The following TRIP13 variants were observed in gnomAD, a reference collection of about 807,000 sequenced individuals.
TRIP13 encodes thyroid hormone receptor interactor 13, also known as pachytene checkpoint protein 2 homolog.
In TRIP13, 25 loss-of-function variants were observed where a neutral mutation model predicts 54.4. That is an observed-to-expected ratio of 0.46 (90% CI 0.33 to 0.64). The LOEUF (loss-of-function observed/expected upper bound fraction) is 0.64, where lower values mean the gene tolerates loss of function less well. Ranked by LOEUF, TRIP13 falls within the 30% of genes least tolerant of loss-of-function variation. TRIP13 has a pLI of 0.02. For missense variants in TRIP13, 373 were observed against 534.2 expected (o/e 0.70, Z 2.97); for synonymous variants, 207 against 207.8 (o/e 1.00, Z 0.03).
At position 917,355 on chromosome 5, in the gene TRIP13, T is replaced by A; in HGVS notation, c.*252T>A. 1 of 396,304 alleles carries A rather than the reference T, an allele frequency of 2.5e-6. No individual in the cohort carries two copies. Among genetic ancestry groups the A allele is most frequent in the Non-Finnish European group, 4.5e-6 (1 of 220,760 alleles). The allele number at this position is 396,304 out of a possible 1,614,324, so 24.5% of individuals were successfully genotyped here. Reference sequence around the variant, plus strand: ...TAAAAGATAATTCAGATTGTTTGTCTCCTTGTGAAGAACCATCGAAACCTG... The same window carrying A: ...TAAAAGATAATTCAGATTGTTTGTCACCTTGTGAAGAACCATCGAAACCTG... On this transcript the variant is annotated 3_prime_UTR_variant, in exon 13 of 13. Coordinates refer to ENST00000166345, the MANE Select transcript of TRIP13 (RefSeq NM_004237.4).
chr5:915,273 C>T lies in TRIP13; in HGVS notation c.1134-631C>T, dbSNP rs1754320568. Among the ~76,000 whole-genome samples the T allele has an allele frequency of 6.6e-6, 1 of 152,230 alleles. No homozygotes were observed. Among genetic ancestry groups the T allele is most frequent in the African/African-American group, 2.4e-5 (1 of 41,464 alleles). On this transcript the variant is annotated intron_variant, in intron 11 of 12. Transcript: ENST00000166345. The surrounding 1 kb of genome is among the most constrained non-coding windows in gnomAD (Gnocchi z 4.2). Reference sequence around the variant, plus strand: ...CAAAAATTGAAGATGTGAACCCACCCATTATTTGGGGACTCTGTGCCTACT... The same window carrying T: ...CAAAAATTGAAGATGTGAACCCACCTATTATTTGGGGACTCTGTGCCTACT...
At position 901,527 on chromosome 5, in the gene TRIP13, T is replaced by C; in HGVS notation, c.535+96T>C. On this transcript the variant is annotated intron_variant, in intron 5 of 12. Transcript: ENST00000166345. Reference sequence around the variant, plus strand: ...TTCTGCAAGGAGTTACGGCTCTTTGTTTTCTGAAGGAGCCACAGCTGTCCT... The same window carrying C: ...TTCTGCAAGGAGTTACGGCTCTTTGCTTTCTGAAGGAGCCACAGCTGTCCT... 5 of 1,181,280 alleles carry C rather than the reference T, an allele frequency of 4.2e-6. No homozygotes were observed. In the Admixed American group the frequency reaches 1.1e-4, roughly 26 times the overall value. The allele number at this position is 1,181,280 out of a possible 1,614,324, so 73.2% of individuals were successfully genotyped here. A position where few individuals can be genotyped will look rare whatever the true frequency, so the allele number is the denominator to read the frequency against.
At chr5:914,725 G>A in intron 11 of TRIP13, 148 bp downstream of exon 11, 3 of 612,710 alleles carry the variant, frequency 4.9e-6, no homozygotes. Flanking sequence ...ACACACGTGT[G>A]TGTGTGTGTG....
In TRIP13 at chr5:907,178, T is replaced by C; in HGVS notation, c.657T>C (p.Ser219=). The C allele has an allele frequency of 1.2e-6, 2 of 1,613,938 alleles. No homozygotes were observed. Among genetic ancestry groups the C allele is most frequent in the Non-Finnish European group, 1.7e-6 (2 of 1,179,782 alleles). The change falls in exon 7 of 13, where the codon TCT becomes TCC. Residue 219 remains serine (S), a synonymous_variant. Coordinates refer to ENST00000166345, the MANE Select transcript of TRIP13 (RefSeq NM_004237.4). This position sits in a 1 kb window ranked among gnomAD's most constrained non-coding sequence, Gnocchi z 4.1. ...AAATAAACAGCCACAGCCTCTTTTC[T>C]AAGTGGTTTTCGGAAGTAAGTATTA... ...LIEINSHSLF[S]KWFSESGKLV... is the part of the protein sequence containing the mutation.
Position 912,656 on chromosome 5 carries a change from GAGTC to G in TRIP13, c.1020+664_1020+667del, listed in dbSNP as rs760564272. 3.3e-5 allele frequency among the ~76,000 whole-genome samples: 5 copies of G among 151,852 alleles called. No individual in the cohort carries two copies. Among genetic ancestry groups the G allele is most frequent in the Non-Finnish European group, 5.9e-5 (4 of 67,954 alleles). ...GCACAATGACATGTGCGGTGAGTGT[GAGTC>G]AGTAAGGCCGTCGCCATGGGCACAG... On this transcript the variant is annotated intron_variant, in intron 10 of 12. Coordinates refer to ENST00000166345, the MANE Select transcript of TRIP13 (RefSeq NM_004237.4). The surrounding 1 kb of genome is among the most constrained non-coding windows in gnomAD (Gnocchi z 7.2).
chr5:915,676 C>G lies in TRIP13; in HGVS notation c.1134-228C>G, dbSNP rs530339610. Among the ~76,000 whole-genome samples the G allele has an allele frequency of 4.6e-5, 7 of 152,152 alleles. No homozygotes were observed. The highest frequency in any genetic ancestry group is 7.4e-5 in the Non-Finnish European group (5 of 68,022). ...AGGACACTGCCTCCCAGAGCAGGAGCTGAGGATGGGGAGAGACCGGCCCCA... is the reference window on the plus strand; with the variant it reads ...AGGACACTGCCTCCCAGAGCAGGAGGTGAGGATGGGGAGAGACCGGCCCCA... On this transcript the variant is annotated intron_variant, in intron 11 of 12. Transcript: ENST00000166345. This position sits in a 1 kb window ranked among gnomAD's most constrained non-coding sequence, Gnocchi z 4.2.
rs554444980 is a variant in TRIP13, at chr5:916,711, C to T, written c.1204-297C>T. ...GGTCTGCTCCCTACAGCTTCTCATCCTTCTCAGTGTGTGGGTGGCTGCCTT... is the reference window on the plus strand; with the variant it reads ...GGTCTGCTCCCTACAGCTTCTCATCTTTCTCAGTGTGTGGGTGGCTGCCTT... On this transcript the variant is annotated intron_variant, in intron 12 of 12. Coordinates refer to ENST00000166345, the MANE Select transcript of TRIP13 (RefSeq NM_004237.4). Among the ~76,000 whole-genome samples, 253 of 152,318 alleles carry T rather than the reference C, an allele frequency of 1.7e-3. 1 individual carries two copies. The highest frequency in any genetic ancestry group is 1.1e-3 in the Non-Finnish European group (74 of 68,032).
At chr5:904,362 T>G in intron 6 of TRIP13, 142 bp downstream of exon 6, 1 of 664,192 alleles carries the variant, frequency 1.5e-6, no homozygotes, top group Non-Finnish European at 2.4e-6. Flanking sequence ...GTATTCAGCA[T>G]AGTTTTGAGT....
chr5:903,036 A>G lies in TRIP13; in HGVS notation c.536-1112A>G, dbSNP rs192899358. Among the ~76,000 whole-genome samples the G allele has an allele frequency of 5.3e-3, 804 of 152,340 alleles. 1 individual carries two copies. The highest frequency in any genetic ancestry group is 0.01 in the Middle Eastern group (3 of 292). On this transcript the variant is annotated intron_variant, in intron 5 of 12. Transcript: ENST00000166345. ...ACTAGGAGCATGACCACTGAAGCACAGCATCACAGGGAGACAGGCCTCTGG... is the reference window on the plus strand; with the variant it reads ...ACTAGGAGCATGACCACTGAAGCACGGCATCACAGGGAGACAGGCCTCTGG...
chr5:893,100 A>C lies in TRIP13; in HGVS notation c.92+10A>C, dbSNP rs376619779. ...ATCAGCGCGGCAGCAGGTGAGCCGGACCTGTCCGACACATCCTCTGGGCAC... is the reference window on the plus strand; with the variant it reads ...ATCAGCGCGGCAGCAGGTGAGCCGGCCCTGTCCGACACATCCTCTGGGCAC... On this transcript the variant is annotated intron_variant, in intron 1 of 12. Transcript: ENST00000166345. 5.4e-5 allele frequency: 86 copies of C among 1,581,206 alleles called. No individual in the cohort carries two copies. Among genetic ancestry groups the C allele is most frequent in the South Asian group, 6.9e-5 (6 of 87,134 alleles).
chr5:917,342 C>G lies in TRIP13; in HGVS notation c.*239C>G, dbSNP rs1754361437. ...TTTTCACTGTTTGTAAAAGATAATT[C>G]AGATTGTTTGTCTCCTTGTGAAGAA... On this transcript the variant is annotated 3_prime_UTR_variant, in exon 13 of 13. Coordinates refer to ENST00000166345, the MANE Select transcript of TRIP13 (RefSeq NM_004237.4). The G allele has an allele frequency of 2.3e-6, 1 of 432,794 alleles. No homozygotes were observed. Among genetic ancestry groups the G allele is most frequent in the Non-Finnish European group, 4.1e-6 (1 of 243,080 alleles). 26.8% of individuals were successfully genotyped at this position (432,794 alleles called of 1,614,324 possible).
chr5:912,076 C>G lies in TRIP13; in HGVS notation c.1020+80C>G. On this transcript the variant is annotated intron_variant, in intron 10 of 12. Transcript: ENST00000166345. This position sits in a 1 kb window ranked among gnomAD's most constrained non-coding sequence, Gnocchi z 7.2. ...ATTAATTAAGATAGCTTAAAATAAGCTCGTTCCAGTACGGAGGATTTCAAC... is the reference window on the plus strand; with the variant it reads ...ATTAATTAAGATAGCTTAAAATAAGGTCGTTCCAGTACGGAGGATTTCAAC... The G allele has an allele frequency of 6.6e-7, 1 of 1,519,022 alleles. No individual in the cohort carries two copies. Among genetic ancestry groups the G allele is most frequent in the African/African-American group, 1.4e-5 (1 of 71,850 alleles). 94.1% of individuals were successfully genotyped at this position (1,519,022 alleles called of 1,614,324 possible).
intron 9 of TRIP13, among the ~76,000 whole-genome samples, chr5:910,155 C>T (rs7725723): frequency 0.092 from 14,062 of 152,284 alleles, 1,025 homozygotes; most frequent in Admixed American, 0.2. Context: ...AATCTGGCTC[C>T]TGCCCCCGCC....
At chr5:903,257 C>T (rs1754035438) in intron 5 of TRIP13, among the ~76,000 whole-genome samples, 3 of 152,138 alleles carry the variant, frequency 2.0e-5, no homozygotes, top group African/African-American at 7.2e-5. Context: ...GCTGGCATTA[C>T]TGCTAGACCA....
rs1248814324 is a variant in TRIP13 at position 915,470 on chromosome 5, C to T, written c.1134-434C>T. On this transcript the variant is annotated intron_variant, in intron 11 of 12. Transcript: ENST00000166345. This position sits in a 1 kb window ranked among gnomAD's most constrained non-coding sequence, Gnocchi z 4.2. ...AGGCTCCCAGGCAGGTGATGCATTC[C>T]CTGAGCGCAAGGATGCTGGCCCTGG... is the stretch of plus-strand genomic sequence containing the variant. Among the ~76,000 whole-genome samples the T allele has an allele frequency of 2.0e-5, 3 of 149,454 alleles. No homozygotes were observed. Among genetic ancestry groups the T allele is most frequent in the Non-Finnish European group, 4.5e-5 (3 of 67,140 alleles).
At position 913,272 on chromosome 5, in the gene TRIP13, C is replaced by T. The variant is rs186715309; in HGVS notation, c.1021-1193C>T. 8.5e-5 allele frequency among the ~76,000 whole-genome samples: 13 copies of T among 152,306 alleles called. No individual in the cohort carries two copies. Among genetic ancestry groups the T allele is most frequent in the African/African-American group, 2.4e-4 (10 of 41,568 alleles). On this transcript the variant is annotated intron_variant, in intron 10 of 12. Coordinates refer to ENST00000166345, the MANE Select transcript of TRIP13 (RefSeq NM_004237.4). This position sits in a 1 kb window ranked among gnomAD's most constrained non-coding sequence, Gnocchi z 4.5. ...TGTGACGTTTATACACTTGTACACT[C>T]GTGCTGTGAATCCAGGGGCTGTTTA...
chr5:918,692 A>G (rs1160497002), downstream of TRIP13, among the ~76,000 whole-genome samples: 1 of 152,196 alleles, frequency 6.6e-6, no homozygotes, highest in African/African-American at 2.4e-5. This position sits in a 1 kb window ranked among gnomAD's most constrained non-coding sequence, Gnocchi z 4.3. Flanking sequence ...GGCCATCGCA[A>G]GCTTCAGCAA....
At chr5:901,138 T>C (rs1316856185) in intron 4 of TRIP13, among the ~76,000 whole-genome samples, 1 of 152,236 alleles carries the variant, frequency 6.6e-6, no homozygotes, top group African/African-American at 2.4e-5. Flanking sequence ...ATAATAGTAA[T>C]AGCCAGTGTT....
Position 908,003 on chromosome 5 carries a change from A to G in TRIP13, c.688A>G (p.Thr230Ala). 6.2e-7 allele frequency: 1 copy of G among 1,614,224 alleles called. No individual in the cohort carries two copies. The highest frequency in any genetic ancestry group is 1.1e-5 in the South Asian group (1 of 91,090). The change falls in exon 8 of 13, where the codon ACC becomes GCC. Residue 230 changes from threonine (T) to alanine (A), a missense_variant. By Grantham distance (58) the Thr-to-Ala change is moderately conservative. This residue lies in a region of TRIP13 where 119 missense variants were observed against 223.0 expected (regional missense o/e 0.53). Coordinates refer to ENST00000166345, the MANE Select transcript of TRIP13 (RefSeq NM_004237.4). This position sits in a 1 kb window ranked among gnomAD's most constrained non-coding sequence, Gnocchi z 5.2. ...TGGGTTCCAGAGTGGCAAGCTGGTA[A>G]CCAAGATGTTTCAGAAGATTCAGGA... is the stretch of plus-strand genomic sequence containing the variant. ...KWFSESGKLV[T>A]KMFQKIQDLI...
Sources: gnomAD v4.1 joint callset for allele counts (sites outside exome capture counted in the v4.1 genomes callset) on GRCh38, gnomAD v4.1.1 for gene constraint, gnomAD v4.1.1 regional missense constraint, Gnocchi (gnomAD v3.1) non-coding constraint, MANE v1.5 for transcripts, NCBI Gene and HGNC (gene_info 2026-07-23, HGNC 2026-07-21) for gene names.